ZSCAN9: variants seen among roughly 807,000 people sequenced by gnomAD.
ZSCAN9 encodes zinc finger and SCAN domain-containing protein 9.
Under a neutral mutation model 23.0 loss-of-function variants are expected in ZSCAN9, and 19 were observed. The ratio of observed to expected loss-of-function variants is 0.83; its 90% CI spans 0.58 to 1.21. ZSCAN9 has a LOEUF of 1.21. Among genes scored for constraint, ZSCAN9 ranks in the 50% most tolerant of loss-of-function variants. ZSCAN9 has a pLI of 0.00. For synonymous variants in ZSCAN9, 155 were observed against 164.8 expected (o/e 0.94, Z 0.46); for missense variants, 467 against 471.5 (o/e 0.99, Z 0.09).
chr6:28,232,828 G>C lies in ZSCAN9; in HGVS notation c.835G>C (p.Glu279Gln). The change falls in exon 4 of 4, where the codon GAA becomes CAA. Residue 279 changes from glutamate to glutamine, a missense_variant. By Grantham distance (29) the Glu-to-Gln change is conservative (BLOSUM62 2). Transcript: ENST00000252207. ...LIRHQRIHTG[E>Q]RPYECNECGK... is the part of the protein sequence containing the mutation. ...TCGACATCAAAGAATTCATACTGGA[G>C]AAAGACCTTATGAATGTAATGAATG... is the stretch of plus-strand genomic sequence containing the variant. The C allele has an allele frequency of 1.2e-6, 2 of 1,614,212 alleles. No individual in the cohort carries two copies. The highest frequency in any genetic ancestry group is 1.7e-6 in the Non-Finnish European group (2 of 1,180,040).
Position 28,233,006 on chromosome 6 carries a change from A to G in ZSCAN9, c.1013A>G (p.Tyr338Cys). ...AGAATCCACAAAGGAGAAAAGCCGTATCAGTGCAGCCAGTGCAGTAAGAGC... is the reference window on the plus strand; with the variant it reads ...AGAATCCACAAAGGAGAAAAGCCGTGTCAGTGCAGCCAGTGCAGTAAGAGC... ...HQRIHKGEKP[Y>C]QCSQCSKSYS... The change falls in exon 4 of 4, where the codon TAT becomes TGT. Residue 338 changes from tyrosine to cysteine, a missense_variant. Tyr to Cys is a radical substitution (Grantham distance 194, BLOSUM62 -2). Coordinates refer to ENST00000252207, the MANE Select transcript of ZSCAN9 (RefSeq NM_006299.5). The G allele has an allele frequency of 1.9e-6, 3 of 1,614,226 alleles. No homozygotes were observed. The highest frequency in any genetic ancestry group is 1.7e-5 in the Admixed American group (1 of 60,030).
intron 1 of ZSCAN9, among the ~76,000 whole-genome samples, chr6:28,226,054 CT>C (rs1316929985): frequency 2.0e-5 from 3 of 152,352 alleles, no homozygotes; most frequent in African/African-American, 7.2e-5. Flanking sequence ...GCTTCTTTGG[CT>C]TCTTAGGATT....
chr6:28,226,269 G>A (rs1270879454), intron 1 of ZSCAN9, among the ~76,000 whole-genome samples: 2 of 152,180 alleles, frequency 1.3e-5, no homozygotes, highest in African/African-American at 2.4e-5. Context: ...GAAAGCTCCA[G>A]GACTTGGAAT....
chr6:28,232,085 A>AT (rs1760317121), intron 3 of ZSCAN9, among the ~76,000 whole-genome samples: 1 of 152,182 alleles, frequency 6.6e-6, no homozygotes, highest in Non-Finnish European at 1.5e-5. Flanking sequence ...TAATCGCAGC[A>AT]TTTTGGGAGG....
chr6:28,231,463 T>A (rs763676613), intron 3 of ZSCAN9, among the ~76,000 whole-genome samples: 2,101 of 152,282 alleles, frequency 0.014, 39 homozygotes, highest in African/African-American at 0.048. Context: ...AAGAATTGTT[T>A]GTGCTGGGCG....
intron 3 of ZSCAN9, among the ~76,000 whole-genome samples, chr6:28,230,048 A>G (rs112991339): frequency 0.021 from 3,202 of 152,112 alleles, 74 homozygotes; most frequent in African/African-American, 0.058. Context: ...TAATAGAGAC[A>G]GGGTTTCACT....
chr6:28,229,555 G>A (rs1760226091), intron 3 of ZSCAN9, among the ~76,000 whole-genome samples: 1 of 152,140 alleles, frequency 6.6e-6, no homozygotes. Flanking sequence ...GCAGGTATGT[G>A]TTACAAATTT....
intron 2 of ZSCAN9, 48 bp downstream of exon 2, chr6:28,227,552 A>G (rs1760157434): frequency 2.6e-6 from 4 of 1,565,520 alleles, no homozygotes; most frequent in Admixed American, 4.1e-5. Context: ...TGGCATGCCA[A>G]GAATCCTTGT....
chr6:28,231,050 C>T (rs116289313), intron 3 of ZSCAN9, among the ~76,000 whole-genome samples: 8,312 of 152,140 alleles, frequency 0.055, 325 homozygotes, highest in African/African-American at 0.11. Context: ...TCCAAGACCC[C>T]CAGTAGATGC....
In ZSCAN9 at chr6:28,229,860, CT is replaced by C. The variant is rs754834015; in HGVS notation, c.568+2038del. 3.9e-3 allele frequency among the ~76,000 whole-genome samples: 554 copies of C among 140,564 alleles called. 4 individuals are homozygous for C. The highest frequency in any genetic ancestry group is 0.025 in the Admixed American group (354 of 14,084). The allele number at this position is 140,564 out of a possible 152,430, so 92.2% of individuals were successfully genotyped here. On this transcript the variant is annotated intron_variant, in intron 3 of 3. Coordinates refer to ENST00000252207, the MANE Select transcript of ZSCAN9 (RefSeq NM_006299.5). ...TATATATGTATCTTCCCATATTTTT[CT>C]TTTTTTTTTTTTTTGAGACAGAGTC...
rs944820357 is a variant in ZSCAN9 at position 28,225,296 on chromosome 6, A to G, written c.-144A>G. On this transcript the variant is annotated 5_prime_UTR_variant, in exon 1 of 4. Transcript: ENST00000252207. The stretch of plus-strand genomic sequence containing the variant: ...CGGCATCTTTGTTCCCTGCCCGGCC[A>G]TTGTTCGTGCCGCGCTTCTAGCAAC... 6.6e-6 allele frequency: 1 copy of G among 151,848 alleles called. No individual in the cohort carries two copies. The highest frequency in any genetic ancestry group is 2.4e-5 in the African/African-American group (1 of 41,274). The allele number at this position is 151,848 out of a possible 1,614,324, so 9.4% of individuals were successfully genotyped here.
At chr6:28,228,000 TC>T in intron 3 of ZSCAN9, 163 bp downstream of exon 3, 1 of 866,186 alleles carries the variant, frequency 1.2e-6, no homozygotes, top group South Asian at 1.4e-5. Flanking sequence ...TTGACCCTTC[TC>T]CCTGCGTGCA....
At chr6:28,228,623 T>C (rs754723811) in intron 3 of ZSCAN9, 1 of 154,592 alleles carries the variant, frequency 6.5e-6, no homozygotes, top group Non-Finnish European at 1.5e-5. Flanking sequence ...GTAACCAGTA[T>C]GTACCTCAGA....
At position 28,232,718 on chromosome 6, in the gene ZSCAN9, A is replaced by G; in HGVS notation, c.725A>G (p.Glu242Gly). 1 of 1,614,214 alleles carries G rather than the reference A, an allele frequency of 6.2e-7. No individual in the cohort carries two copies. Among genetic ancestry groups the G allele is most frequent in the Non-Finnish European group, 8.5e-7 (1 of 1,180,048 alleles). ...GEVGEHKDRI[E>G]RQWGNLLGEG... ...GTTGGTGAACATAAGGATAGGATAGAGAGGCAGTGGGGAAACCTCTTAGGA... is the reference window on the plus strand; with the variant it reads ...GTTGGTGAACATAAGGATAGGATAGGGAGGCAGTGGGGAAACCTCTTAGGA... The change falls in exon 4 of 4, where the codon GAG (glutamate) becomes GGG (glycine). Residue 242 changes from glutamate (E) to glycine (G), a missense_variant. Physicochemically the swap from Glu to Gly is moderately conservative, Grantham distance 98 (BLOSUM62 -2). Coordinates refer to ENST00000252207, the MANE Select transcript of ZSCAN9 (RefSeq NM_006299.5).
intron 1 of ZSCAN9, among the ~76,000 whole-genome samples, chr6:28,226,686 G>A (rs1007298081): frequency 1.3e-5 from 2 of 152,118 alleles, no homozygotes; most frequent in Non-Finnish European, 2.9e-5. Flanking sequence ...CCAGCACTTT[G>A]GGAAGCCAAG....
chr6:28,229,462 G>A (rs1379174476), intron 3 of ZSCAN9, among the ~76,000 whole-genome samples: 3 of 152,116 alleles, frequency 2.0e-5, no homozygotes, highest in African/African-American at 7.2e-5. Flanking sequence ...TTCAACAAGT[G>A]TTTATTAAGC....
intron 2 of ZSCAN9, 40 bp downstream of exon 2, chr6:28,227,544 G>T (rs776853838): frequency 6.4e-7 from 1 of 1,566,066 alleles, no homozygotes; most frequent in African/African-American, 1.4e-5. Context: ...GTGTATTTTG[G>T]CATGCCAAGA....
intron 1 of ZSCAN9, 124 bp from the exon 2 acceptor site, chr6:28,226,888 C>T (rs1225112288): frequency 5.9e-6 from 3 of 508,944 alleles, no homozygotes; most frequent in Non-Finnish European, 6.9e-6. Context: ...TTATTTCCAT[C>T]CTTTGGTCAC....
In ZSCAN9 at chr6:28,227,335, A is replaced by G. The variant is rs1429127546; in HGVS notation, c.251A>G (p.His84Arg). 1 of 1,614,116 alleles carries G rather than the reference A, an allele frequency of 6.2e-7. No homozygotes were observed. Among genetic ancestry groups the G allele is most frequent in the African/African-American group, 1.3e-5 (1 of 74,932 alleles). Residue 84 changes from histidine to arginine, a missense_variant, in exon 2 of 4, where the codon CAT becomes CGT. Physicochemically the swap from His to Arg is conservative, Grantham distance 29. Transcript: ENST00000252207. The part of the protein sequence containing the change: ...QELCYQWLRP[H>R]VSTKEQILDL... ...CTTTGCTACCAGTGGTTGAGGCCAC[A>G]TGTGAGCACAAAGGAGCAGATTTTG...
Sources: gnomAD v4.1 joint callset for allele counts (sites outside exome capture counted in the v4.1 genomes callset) on GRCh38, gnomAD v4.1.1 for gene constraint, MANE v1.5 for transcripts, NCBI Gene and HGNC (gene_info 2026-07-23, HGNC 2026-07-21) for gene names.